The following SBNO2 variants were observed in gnomAD, a reference collection of about 807,000 sequenced individuals.
SBNO2 encodes protein strawberry notch homolog 2.
SBNO2 carries 89 observed loss-of-function variants against 146.3 expected under a neutral mutation model. The observed-to-expected ratio is 0.61, with a 90% CI of 0.51 to 0.73. The LOEUF (loss-of-function observed/expected upper bound fraction) is 0.73. SBNO2 is among the 30% of genes least tolerant of loss of function. The pLI is 0.00. For missense variants in SBNO2, 2,092 were observed against 2,003.7 expected, an observed-to-expected ratio of 1.04 and a Z score of -0.84; for synonymous variants, 1,147 against 892.6, an observed-to-expected ratio of 1.29 and a Z score of -5.08.
At chr19:1,133,690 C>T (rs566275733) in intron 4 of SBNO2, among the ~76,000 whole-genome samples, 2 of 151,944 alleles carry the variant, frequency 1.3e-5, no homozygotes, top group East Asian at 3.9e-4. Context: ...CCCACGGAGC[C>T]GCTCAATCCG....
intron 15 of SBNO2, 109 bp from the exon 16 acceptor site, chr19:1,117,035 G>A (rs2079840937): frequency 6.4e-6 from 7 of 1,086,622 alleles, no homozygotes. Flanking sequence ...CTGCTGCTGT[G>A]CTCGCCTCCC....
intron 4 of SBNO2, among the ~76,000 whole-genome samples, chr19:1,135,724 C>A (rs2080079195): frequency 6.6e-6 from 1 of 152,212 alleles, no homozygotes; most frequent in Non-Finnish European, 1.5e-5. Flanking sequence ...CTCACAGGAA[C>A]CCTGCCCTGC....
intron 4 of SBNO2, among the ~76,000 whole-genome samples, chr19:1,129,197 G>A (rs928682343): frequency 1.3e-5 from 2 of 152,182 alleles, no homozygotes; most frequent in African/African-American, 4.8e-5. Flanking sequence ...AACTCAGGAG[G>A]CAGAGGCTGC....
intron 4 of SBNO2, among the ~76,000 whole-genome samples, chr19:1,145,009 GGAGACA>G (rs1045412097): frequency 1.2e-4 from 17 of 143,680 alleles, no homozygotes; most frequent in African/African-American, 2.6e-5. Context: ...GAGCATAGAG[GGAGACA>G]GAGACAGAGG....
chr19:1,124,721 G>T (rs2079945416), intron 5 of SBNO2, among the ~76,000 whole-genome samples: 1 of 152,226 alleles, frequency 6.6e-6, no homozygotes, highest in African/African-American at 2.4e-5. Context: ...GAGAAGGACT[G>T]CCCGGAGCCT....
At chr19:1,152,878 C>G (rs1275668627) in intron 2 of SBNO2, among the ~76,000 whole-genome samples, 2 of 152,260 alleles carry the variant, frequency 1.3e-5, no homozygotes, top group South Asian at 2.1e-4. Context: ...CAGGGCCGGG[C>G]GCGGTGGCTC....
At chr19:1,164,665 G>A (rs370744353) in intron 1 of SBNO2, among the ~76,000 whole-genome samples, 7 of 109,572 alleles carry the variant, frequency 6.4e-5, no homozygotes, top group African/African-American at 9.3e-5. Context: ...AGGAGGAGGA[G>A]GAACAGGAGG....
chr19:1,124,724 C>T lies in SBNO2; in HGVS notation c.442-702G>A, dbSNP rs535390246. 9.5e-4 allele frequency among the ~76,000 whole-genome samples: 144 copies of T among 152,314 alleles called. 1 individual carries two copies. In the Middle Eastern group the frequency reaches 0.01, roughly 11 times the overall value. On this transcript the variant is annotated intron_variant, in intron 5 of 31. Transcript: ENST00000361757. The stretch of plus-strand genomic sequence containing the variant: ...CCCCACCCTGGGGAGAAGGACTGCC[C>T]GGAGCCTCATGCAGATTCACCAGGG...
At chr19:1,118,098 G>C (rs1163292678) in intron 14 of SBNO2, among the ~76,000 whole-genome samples, 1 of 152,236 alleles carries the variant, frequency 6.6e-6, no homozygotes, top group Non-Finnish European at 1.5e-5. Flanking sequence ...CACTTTGGGA[G>C]GCTGAGGCGG....
At chr19:1,134,187 G>A (rs145826270) in intron 4 of SBNO2, among the ~76,000 whole-genome samples, 74 of 120,814 alleles carry the variant, frequency 6.1e-4, no homozygotes, top group African/African-American at 2.5e-3. Context: ...CACAGCTCAC[G>A]GGTGGACTCA....
Position 1,117,374 on chromosome 19 carries a change from G to T in SBNO2, c.1653C>A (p.Ala551=). 1 of 1,585,844 alleles carries T rather than the reference G, an allele frequency of 6.3e-7. No homozygotes were observed. Among genetic ancestry groups the T allele is most frequent in the Non-Finnish European group, 8.6e-7 (1 of 1,167,470 alleles). ...QRFFKYLCIA[A]KVRRLVELAR... ...CCAGCTCCACCAGCCGGCGCACCTT[G>T]GCTGCGATGCACAGATACTTGAAGA... Residue 551 remains alanine (A), a synonymous_variant, in exon 15 of 32, where the codon GCC becomes GCA. Coordinates refer to ENST00000361757, the MANE Select transcript of SBNO2 (RefSeq NM_014963.3).
At chr19:1,154,999 TCAGA>T (rs1000142269) in intron 1 of SBNO2, 1 of 152,026 alleles carries the variant, frequency 6.6e-6, no homozygotes, top group African/African-American at 2.4e-5. Flanking sequence ...CCCCACACCA[TCAGA>T]CGCCAGGGAC....
At chr19:1,134,114 G>A (rs1017529350) in intron 4 of SBNO2, among the ~76,000 whole-genome samples, 2 of 149,060 alleles carry the variant, frequency 1.3e-5, no homozygotes, top group Non-Finnish European at 3.0e-5. Flanking sequence ...CACAGCTCAT[G>A]GGTGGACCCA....
At chr19:1,124,135 C>T (rs1269298681) in intron 5 of SBNO2, 113 bp from the exon 6 acceptor site, 2 of 948,824 alleles carry the variant, frequency 2.1e-6, no homozygotes, top group Admixed American at 4.3e-5. Context: ...CTCGCCTCCC[C>T]ATCCTCGCTC....
intron 4 of SBNO2, among the ~76,000 whole-genome samples, chr19:1,145,803 T>C (rs2080184457): frequency 3.3e-5 from 5 of 152,082 alleles, no homozygotes. Flanking sequence ...CCAGGGCTAC[T>C]GCGGGTGAGG....
In SBNO2 at chr19:1,125,887, G is replaced by A. The variant is rs530934936; in HGVS notation, c.441+1717C>T. ...CGTGTGTCTATGGACCCAGCTACTC[G>A]AGAGGCTGAGGCAGGAGGATCGCTT... On this transcript the variant is annotated intron_variant, in intron 5 of 31. Coordinates refer to ENST00000361757, the MANE Select transcript of SBNO2 (RefSeq NM_014963.3). 6.6e-5 allele frequency among the ~76,000 whole-genome samples: 10 copies of A among 151,222 alleles called. No individual in the cohort carries two copies. In the East Asian group the frequency reaches 1.2e-3, roughly 18 times the overall value.
At chr19:1,111,159 C>T in intron 24 of SBNO2, 66 bp from the exon 25 acceptor site, 1 of 1,493,636 alleles carries the variant, frequency 6.7e-7, no homozygotes, top group Non-Finnish European at 9.0e-7. Flanking sequence ...GCCCCTAGCT[C>T]CTTTTCCAGA....
At chr19:1,159,800 C>T (rs1157078540) in intron 1 of SBNO2, among the ~76,000 whole-genome samples, 4 of 30,710 alleles carry the variant, frequency 1.3e-4, no homozygotes, top group African/African-American at 1.4e-4. Context: ...GGGGGAACAG[C>T]GGGGGGACAG....
rs148676290 is a variant in SBNO2, at chr19:1,152,593, G to A, written c.93+1591C>T. ...AACCCCAAGGGACTCAGGAACTAGG[G>A]AGGGGGACAGGAGGGGTCTGGGCCG... On this transcript the variant is annotated intron_variant, in intron 2 of 31. Transcript: ENST00000361757. Among the ~76,000 whole-genome samples the A allele has an allele frequency of 3.1e-4, 47 of 151,250 alleles. No homozygotes were observed. The East Asian group carries it at 9.5e-3, about 30-fold the overall frequency.
Sources: gnomAD v4.1 joint callset for allele counts (sites outside exome capture counted in the v4.1 genomes callset) on GRCh38, gnomAD v4.1.1 for gene constraint, MANE v1.5 for transcripts, NCBI Gene and HGNC (gene_info 2026-07-23, HGNC 2026-07-21) for gene names.